The following C3 variants were observed in gnomAD, a reference collection of about 807,000 sequenced individuals.
The protein encoded by C3 is C3 and PZP-like alpha-2-macroglobulin domain-containing protein 1.
C3 carries 97 observed loss-of-function variants against 207.9 expected under a neutral mutation model. The observed-to-expected ratio is 0.47, with a 90% confidence interval of 0.40 to 0.55. The LOEUF is 0.55. C3 is among the 20% of genes least tolerant of loss of function. The pLI, the probability that C3 is intolerant of heterozygous loss-of-function variation, is 0.00. For synonymous variants in C3, 848 were observed against 857.6 expected (o/e 0.99, Z 0.20); for missense variants, 1,684 against 2,171.7 (o/e 0.78, Z 4.46).
intron 17 of C3, among the ~76,000 whole-genome samples, chr19:6,706,205 A>G (rs927433432): frequency 6.6e-6 from 1 of 152,200 alleles, no homozygotes; most frequent in Admixed American, 6.5e-5. Flanking sequence ...TTAGTGTGTG[A>G]CCAGCCCCAT....
At chr19:6,713,756 C>T (rs1967971477) in intron 7 of C3, 1 of 341,402 alleles carries the variant, frequency 2.9e-6, no homozygotes, top group Non-Finnish European at 5.2e-6. Flanking sequence ...TCCCCACTCC[C>T]AGCCCCCACC....
intron 17 of C3, among the ~76,000 whole-genome samples, chr19:6,705,629 G>A (rs1967757968): frequency 6.6e-6 from 1 of 151,652 alleles, no homozygotes; most frequent in African/African-American, 2.4e-5. Flanking sequence ...TTACAGGTGT[G>A]AGCCACCGTG....
intron 19 of C3, among the ~76,000 whole-genome samples, chr19:6,699,375 G>C (rs1336767181): frequency 2.0e-5 from 3 of 151,820 alleles, no homozygotes; most frequent in Non-Finnish European, 4.4e-5. Flanking sequence ...CACCCGGCCT[G>C]AGAATCTACC....
At chr19:6,689,352 CCTCCCT>C (rs1568213522) in intron 27 of C3, among the ~76,000 whole-genome samples, 3 of 57,546 alleles carry the variant, frequency 5.2e-5, no homozygotes, top group African/African-American at 3.0e-4. Context: ...TCCCTCCCTC[CCTCCCT>C]CCCTCTCTCT....
At position 6,685,103 on chromosome 19, in the gene C3, TC is replaced by T; in HGVS notation, c.3853del (p.Asp1285ThrfsTer8). On this transcript the variant is annotated frameshift_variant, in exon 30 of 41. Coordinates refer to ENST00000245907, the MANE Select transcript of C3 (RefSeq NM_000064.4). LOFTEE classifies it high-confidence loss of function. ...VFQALAQYQKDAPDHQELNLD... is the reference protein window; with the variant it reads ...VFQALAQYQKXAPDHQELNLD... ...GTTCAGTTCCTGGTGGTCAGGGGCGTCCTTTTGGTATTGAGCCAAGGCTTGG... is the reference window on the plus strand; with the variant it reads ...GTTCAGTTCCTGGTGGTCAGGGGCGTCTTTTGGTATTGAGCCAAGGCTTGG... The T allele has an allele frequency of 6.2e-7, 1 of 1,613,798 alleles. No homozygotes were observed. Among genetic ancestry groups the T allele is most frequent in the Non-Finnish European group, 8.5e-7 (1 of 1,179,930 alleles).
chr19:6,699,647 C>CA (rs10596077), intron 19 of C3, among the ~76,000 whole-genome samples: 27 of 147,510 alleles, frequency 1.8e-4, no homozygotes, highest in African/African-American at 4.5e-4. Flanking sequence ...GCTCCTGTAT[C>CA]AAAAAAAAAA....
chr19:6,694,383 C>T (rs376178669), intron 24 of C3, 48 bp downstream of exon 24: 14 of 1,549,664 alleles, frequency 9.0e-6, no homozygotes, highest in Admixed American at 3.3e-5. Context: ...GGGAGGGATG[C>T]GCTCGGAAAG....
chr19:6,682,295 G>T, intron 33 of C3, 66 bp from the exon 34 acceptor site: 1 of 1,226,044 alleles, frequency 8.2e-7, no homozygotes, highest in South Asian at 1.2e-5. Context: ...TCTGTTCCTG[G>T]ACAAGGAGGT....
chr19:6,697,852 C>G (rs924012200), intron 19 of C3, 58 bp from the exon 20 acceptor site: 5 of 1,554,902 alleles, frequency 3.2e-6, no homozygotes, highest in Non-Finnish European at 4.4e-6. Flanking sequence ...CAAGGCCAGG[C>G]TCCTGGGTCT....
chr19:6,710,581 AG>A, intron 13 of C3, 57 bp downstream of exon 13: 1 of 1,310,436 alleles, frequency 7.6e-7, no homozygotes, highest in East Asian at 2.4e-5. Flanking sequence ...AGGGAGAGAG[AG>A]AGAGAGAGAG....
chr19:6,678,250 G>T lies in C3; in HGVS notation c.4752C>A (p.Phe1584Leu). 1 of 1,614,202 alleles carries T rather than the reference G, an allele frequency of 6.2e-7. No individual in the cohort carries two copies. Among genetic ancestry groups the T allele is most frequent in the Non-Finnish European group, 8.5e-7 (1 of 1,180,044 alleles). Residue 1584 changes from phenylalanine (F) to leucine (L), a missense_variant, in exon 40 of 41, where the codon TTC (phenylalanine) becomes TTA (leucine). Physicochemically the swap from Phe to Leu is conservative, Grantham distance 22 (BLOSUM62 0). This residue lies in a region of C3 where 346 missense variants were observed against 380.1 expected (regional missense o/e 0.91). Transcript: ENST00000245907. ...CTTCTCTGCACTTGATGGGGCTGAT[G>T]AACGTGCGCTGCTGTCCAACCTGCA... ...DEVQVGQQRT[F>L]ISPIKCREAL...
chr19:6,708,023 C>T (rs962536729), intron 14 of C3, 94 bp from the exon 15 acceptor site: 1 of 1,406,852 alleles, frequency 7.1e-7, no homozygotes, highest in African/African-American at 1.4e-5. Context: ...CCCAAATGAC[C>T]CCACCCTGTC....
At chr19:6,685,215 T>C in intron 29 of C3, 69 bp from the exon 30 acceptor site, 1 of 1,441,430 alleles carries the variant, frequency 6.9e-7, no homozygotes, top group South Asian at 1.2e-5. Context: ...CAGTGGGGGA[T>C]AAAGAGGTTC....
In C3 at chr19:6,702,175, A is replaced by G. The variant is rs1325870027; in HGVS notation, c.2392T>C (p.Ser798Pro). Reference sequence around the variant, plus strand: ...GCCAGAATCTCCCACGTGGTGATGGAGTCTTTCAAAAATATATTCATGAGC... The same window carrying G: ...GCCAGAATCTCCCACGTGGTGATGGGGTCTTTCAAAAATATATTCATGAGC... ...TKLMNIFLKD[S>P]ITTWEILAVS... The change falls in exon 19 of 41, where the codon TCC becomes CCC. Residue 798 changes from serine to proline, a missense_variant. This residue lies in a region of C3 where 1,280 missense variants were observed against 1,739.1 expected (regional missense o/e 0.74). Coordinates refer to ENST00000245907, the MANE Select transcript of C3 (RefSeq NM_000064.4). The G allele has an allele frequency of 1.2e-6, 2 of 1,605,482 alleles. No individual in the cohort carries two copies. The highest frequency in any genetic ancestry group is 1.7e-6 in the Non-Finnish European group (2 of 1,173,936).
intron 21 of C3, 65 bp from the exon 22 acceptor site, chr19:6,696,724 G>A: frequency 2.1e-6 from 3 of 1,454,302 alleles, no homozygotes; most frequent in Non-Finnish European, 2.9e-6. Context: ...CACACAGATG[G>A]TCAGCAGGGC....
Position 6,686,829 on chromosome 19 carries a change from G to A in C3, c.3563C>T (p.Thr1188Ile). Residue 1188 changes from threonine to isoleucine, a missense_variant, in exon 28 of 41, where the codon ACT (threonine) becomes ATT (isoleucine). Physicochemically the swap from Thr to Ile is moderately conservative, Grantham distance 89. Transcript: ENST00000245907. ...CAGAGCATAGCCAGCAATGGCCACA[G>A]TGTAGGATCTCTGTAGGTTCATGTA... The part of the protein sequence containing the change: ...ANYMNLQRSY[T>I]VAIAGYALAQ... 1 of 1,614,112 alleles carries A rather than the reference G, an allele frequency of 6.2e-7. No individual in the cohort carries two copies. The highest frequency in any genetic ancestry group is 1.1e-5 in the South Asian group (1 of 91,090).
At chr19:6,682,094 A>G in intron 34 of C3, 48 bp downstream of exon 34, 1 of 1,604,388 alleles carries the variant, frequency 6.2e-7, no homozygotes, top group Admixed American at 1.7e-5. Context: ...AGCCTCTTCC[A>G]GAACCCAGGC....
rs148182019 is a variant in C3, at chr19:6,709,798, A to G, written c.1731T>C (p.Pro577=). Residue 577 remains proline, a synonymous_variant, in exon 14 of 41, where the codon CCT becomes CCC. Transcript: ENST00000245907. ...CTATCTTCAGGGTCATCTGCTGCCC[A>G]GGTACAGGCTGCCGGTCTTCTGACT... ...SGQSEDRQPV[P]GQQMTLKIEG... is the part of the protein sequence containing the mutation. 7.4e-5 allele frequency: 120 copies of G among 1,613,974 alleles called. No homozygotes were observed. The African/African-American group carries it at 1.4e-3, about 19-fold the overall frequency.
In C3 at chr19:6,685,101, C is replaced by T. The variant is rs556995881; in HGVS notation, c.3856G>A (p.Ala1286Thr). 1.4e-5 allele frequency: 22 copies of T among 1,613,922 alleles called. No individual in the cohort carries two copies. The highest frequency in any genetic ancestry group is 2.2e-5 in the East Asian group (1 of 44,882). Residue 1286 changes from alanine to threonine, a missense_variant, in exon 30 of 41, where the codon GCC (alanine) becomes ACC (threonine). Around this residue, in one of 3 missense-constraint regions of C3, gnomAD observed 1,280 missense variants for 1,739.1 expected, o/e 0.74. Transcript: ENST00000245907. ...FQALAQYQKDAPDHQELNLDV... is the reference protein window; with the variant it reads ...FQALAQYQKDTPDHQELNLDV... Reference sequence around the variant, plus strand: ...AGGTTCAGTTCCTGGTGGTCAGGGGCGTCCTTTTGGTATTGAGCCAAGGCT... The same window carrying T: ...AGGTTCAGTTCCTGGTGGTCAGGGGTGTCCTTTTGGTATTGAGCCAAGGCT...
Sources: allele counts gnomAD v4.1 joint callset (sites outside exome capture counted in the v4.1 genomes callset), GRCh38; gene constraint gnomAD v4.1.1; regional missense constraint gnomAD v4.1.1; transcripts MANE v1.5; gene names NCBI Gene and HGNC (gene_info 2026-07-23, HGNC 2026-07-21).